Variants in SEC24A observed in about 807,000 individuals in gnomAD.
SEC24A encodes SEC24 homolog A, COPII component, also known as protein transport protein Sec24A.
A neutral mutation model predicts 129.4 loss-of-function variants in SEC24A; 93 were observed. The ratio of observed to expected loss-of-function variants is 0.72; its 90% CI spans 0.61 to 0.85. SEC24A has a LOEUF of 0.85. Among genes scored for constraint, SEC24A ranks in the 40% least tolerant of loss-of-function variants. SEC24A has a pLI of 0.00. For synonymous variants in SEC24A, 460 were observed against 467.3 expected, an observed-to-expected ratio of 0.98 and a Z score of 0.20; for missense variants, 1,264 against 1,307.4, an observed-to-expected ratio of 0.97 and a Z score of 0.51.
At chr5:134,675,003 C>T (rs746636723) in intron 5 of SEC24A, 42 bp from the exon 6 acceptor site, 7 of 1,471,828 alleles carry the variant, frequency 4.8e-6, no homozygotes, top group Non-Finnish European at 6.4e-6. Context: ...CTTCCCTACA[C>T]ACTTAATAAA....
intron 15 of SEC24A, among the ~76,000 whole-genome samples, chr5:134,700,680 T>G (rs897054221): frequency 5.3e-5 from 8 of 151,808 alleles, no homozygotes; most frequent in Admixed American, 1.3e-4. Context: ...TAATTAGAAT[T>G]TATTAATTCT....
At chr5:134,655,375 G>T (rs2150067755) in intron 1 of SEC24A, among the ~76,000 whole-genome samples, 1 of 152,276 alleles carries the variant, frequency 6.6e-6, no homozygotes, top group South Asian at 2.1e-4. Flanking sequence ...ACAAGGCTGG[G>T]CGTGGTGGCT....
chr5:134,686,688 T>A, intron 9 of SEC24A, 102 bp from the exon 10 acceptor site: 1 of 599,548 alleles, frequency 1.7e-6, no homozygotes, highest in Non-Finnish European at 2.9e-6. Flanking sequence ...CTACTCAATC[T>A]GTAAATAATG....
At chr5:134,670,482 G>A (rs1750818051) in intron 3 of SEC24A, among the ~76,000 whole-genome samples, 1 of 152,188 alleles carries the variant, frequency 6.6e-6, no homozygotes, top group South Asian at 2.1e-4. Context: ...TCCTGAATTA[G>A]AGCTCATACT....
intron 16 of SEC24A, among the ~76,000 whole-genome samples, chr5:134,704,269 C>A (rs1462765693): frequency 6.6e-6 from 1 of 151,974 alleles, no homozygotes; most frequent in Non-Finnish European, 1.5e-5. Context: ...GGAGTTTTGC[C>A]ATGCTGGCCA....
In SEC24A at chr5:134,703,864, T is replaced by C. The variant is rs1408197298; in HGVS notation, c.2372T>C (p.Val791Ala). Residue 791 changes from valine (V) to alanine (A), a missense_variant, in exon 16 of 23, where the codon GTG becomes GCG. Val to Ala is a moderately conservative substitution (Grantham distance 64). Coordinates refer to ENST00000398844, the MANE Select transcript of SEC24A (RefSeq NM_021982.3). ...PDAGYAVQMS[V>A]EESLTDTQLV... ...GCTGGGTATGCAGTACAGATGTCAG[T>C]GGAAGAGAGTCTTACTGACACTCAG... 2 of 1,612,376 alleles carry C rather than the reference T, an allele frequency of 1.2e-6. No individual in the cohort carries two copies. The highest frequency in any genetic ancestry group is 1.1e-5 in the South Asian group (1 of 90,984).
At chr5:134,692,175 T>C (rs909000584) in intron 11 of SEC24A, among the ~76,000 whole-genome samples, 1 of 149,224 alleles carries the variant, frequency 6.7e-6, no homozygotes, top group Non-Finnish European at 1.5e-5. Context: ...TCCTCCCACA[T>C]AGCTGGGACT....
intron 15 of SEC24A, chr5:134,701,399 T>A (rs1469248523): frequency 1.3e-5 from 2 of 152,204 alleles, no homozygotes; most frequent in Non-Finnish European, 2.9e-5. Context: ...AAGGGAAGTG[T>A]ACATCCTAAT....
intron 4 of SEC24A, among the ~76,000 whole-genome samples, chr5:134,673,652 T>C (rs1297121803): frequency 6.6e-6 from 1 of 151,374 alleles, no homozygotes; most frequent in Non-Finnish European, 1.5e-5. Context: ...AGTGATGGGA[T>C]TTCACTGTGT....
chr5:134,690,359 G>A (rs540721505), intron 11 of SEC24A, among the ~76,000 whole-genome samples: 2 of 152,142 alleles, frequency 1.3e-5, no homozygotes, highest in Admixed American at 6.6e-5. Context: ...TGTTGCCCAT[G>A]TTGCAGTGCA....
chr5:134,713,001 G>A (rs1486687444), intron 18 of SEC24A, among the ~76,000 whole-genome samples: 1 of 136,912 alleles, frequency 7.3e-6, no homozygotes, highest in South Asian at 2.3e-4. Flanking sequence ...GCGCAGTCTC[G>A]GCTCACTGCA....
intron 12 of SEC24A, chr5:134,693,153 A>G: frequency 3.0e-5 from 46 of 1,535,624 alleles, no homozygotes; most frequent in Non-Finnish European, 3.9e-5. Flanking sequence ...CTGTACATGC[A>G]TATATGCCGT....
intron 19 of SEC24A, 56 bp from the exon 20 acceptor site, chr5:134,718,013 C>A: frequency 1.5e-6 from 2 of 1,337,998 alleles, no homozygotes; most frequent in African/African-American, 1.4e-5. Flanking sequence ...TGTTGTTTAA[C>A]TGTGACTCCA....
At chr5:134,655,407 T>C (rs745611920) in intron 1 of SEC24A, among the ~76,000 whole-genome samples, 3 of 152,058 alleles carry the variant, frequency 2.0e-5, no homozygotes, top group Non-Finnish European at 4.4e-5. Context: ...TCCCAGCACT[T>C]TGGGAGGTCA....
intron 1 of SEC24A, among the ~76,000 whole-genome samples, chr5:134,659,140 T>C (rs1046868696): frequency 2.6e-4 from 40 of 151,544 alleles, no homozygotes; most frequent in Non-Finnish European, 4.7e-4. Flanking sequence ...GGCGCGATGT[T>C]GGCTCACTGC....
rs780489777 is a variant in SEC24A at position 134,679,529 on chromosome 5, A to T, written c.1255-73A>T. The T allele has an allele frequency of 6.6e-6, 7 of 1,063,830 alleles. No homozygotes were observed. In the South Asian group the frequency reaches 1.1e-4, roughly 17 times the overall value. 65.9% of individuals were successfully genotyped at this position (1,063,830 alleles called of 1,614,324 possible). A position where few individuals can be genotyped will look rare whatever the true frequency, so the allele number is the denominator to read the frequency against. ...ATATCCCAACAGTTATTTAGACAGGATGGATTCATGCTTATGTTTTCAACA... is the reference window on the plus strand; with the variant it reads ...ATATCCCAACAGTTATTTAGACAGGTTGGATTCATGCTTATGTTTTCAACA... On this transcript the variant is annotated intron_variant, in intron 7 of 22. Coordinates refer to ENST00000398844, the MANE Select transcript of SEC24A (RefSeq NM_021982.3).
chr5:134,693,529 T>C, intron 12 of SEC24A, 198 bp from the exon 13 acceptor site: 1 of 1,424,704 alleles, frequency 7.0e-7, no homozygotes, highest in East Asian at 2.5e-5. Context: ...AGGCCCAACT[T>C]TGATTTGTCT....
At chr5:134,703,344 T>G (rs1752058433) in intron 15 of SEC24A, among the ~76,000 whole-genome samples, 1 of 152,102 alleles carries the variant, frequency 6.6e-6, no homozygotes, top group Non-Finnish European at 1.5e-5. Context: ...CTTAGCTCAC[T>G]GCAACCTCTG....
chr5:134,722,781 C>T, intron 21 of SEC24A, among the ~76,000 whole-genome samples: 1 of 152,106 alleles, frequency 6.6e-6, no homozygotes, highest in East Asian at 1.9e-4. Context: ...AAAGCAAAAT[C>T]TCAGGACCAC....
Sources: allele counts gnomAD v4.1 joint callset (sites outside exome capture counted in the v4.1 genomes callset), GRCh38; gene constraint gnomAD v4.1.1; transcripts MANE v1.5; gene names NCBI Gene and HGNC (gene_info 2026-07-23, HGNC 2026-07-21).